Variants in EYS observed in about 807,000 individuals in gnomAD.
EYS encodes the protein protein eyes shut homolog.
Under a neutral mutation model 282.1 loss-of-function variants are expected in EYS, and 250 were observed. The ratio of observed to expected loss-of-function variants is 0.89; its 90% CI spans 0.80 to 0.98. EYS has a LOEUF of 0.98. Ranked by LOEUF, EYS falls within the 50% of genes least tolerant of loss-of-function variation. The pLI is 0.00. For synonymous variants in EYS, 1,355 were observed against 1,282.9 expected, an observed-to-expected ratio of 1.06 and a Z score of -1.20; for missense variants, 4,016 against 3,709.0, an observed-to-expected ratio of 1.08 and a Z score of -2.15.
intron 5 of EYS, among the ~76,000 whole-genome samples, chr6:65,415,932 T>A (rs911203432): frequency 3.3e-5 from 5 of 152,058 alleles, no homozygotes; most frequent in African/African-American, 1.2e-4. Flanking sequence ...TATATTTTAC[T>A]GCAAACAAAT....
At chr6:65,549,831 T>C (rs1449802967) in intron 2 of EYS, among the ~76,000 whole-genome samples, 1 of 152,206 alleles carries the variant, frequency 6.6e-6, no homozygotes, top group East Asian at 1.9e-4. Context: ...TCCTTCCTGA[T>C]CTGGTTCAAT....
chr6:65,080,329 A>G (rs1389926431), intron 12 of EYS, among the ~76,000 whole-genome samples: 1 of 152,080 alleles, frequency 6.6e-6, no homozygotes, highest in Non-Finnish European at 1.5e-5. Context: ...CAATAACATA[A>G]TTGTTTTCCT....
At chr6:63,757,246 G>A (rs906394966) in intron 41 of EYS, among the ~76,000 whole-genome samples, 2 of 152,030 alleles carry the variant, frequency 1.3e-5, no homozygotes, top group East Asian at 3.9e-4. Context: ...TGGCCGCTCT[G>A]GCAGTGTCTG....
At chr6:64,759,241 T>C (rs936766813) in intron 22 of EYS, among the ~76,000 whole-genome samples, 10 of 152,302 alleles carry the variant, frequency 6.6e-5, no homozygotes, top group Middle Eastern at 3.4e-3. Flanking sequence ...TGATACTTGT[T>C]TCAAGCGAGA....
chr6:64,527,100 T>G (rs1777946193), intron 26 of EYS, among the ~76,000 whole-genome samples: 1 of 151,774 alleles, frequency 6.6e-6, no homozygotes, highest in African/African-American at 2.4e-5. Context: ...TTGCAGGAGA[T>G]AAATAGAAAT....
At chr6:65,283,762 C>T (rs1023189652) in intron 12 of EYS, among the ~76,000 whole-genome samples, 2 of 151,968 alleles carry the variant, frequency 1.3e-5, no homozygotes, top group African/African-American at 4.8e-5. Context: ...TTTCTCATCT[C>T]TAGCAGATCT....
intron 41 of EYS, among the ~76,000 whole-genome samples, chr6:63,736,429 C>G (rs1449049537): frequency 1.3e-5 from 2 of 151,998 alleles, no homozygotes; most frequent in African/African-American, 2.4e-5. Context: ...GGGCTCTGTT[C>G]TGTTCCATTG....
chr6:64,273,544 C>T (rs370833397), intron 30 of EYS, among the ~76,000 whole-genome samples: 13 of 151,732 alleles, frequency 8.6e-5, no homozygotes, highest in African/African-American at 2.4e-4. Context: ...ATTTTGTAAG[C>T]TCATAATTCT....
chr6:64,618,439 A>T (rs1767342876), intron 23 of EYS, among the ~76,000 whole-genome samples: 1 of 152,070 alleles, frequency 6.6e-6, no homozygotes, highest in Admixed American at 6.6e-5. Flanking sequence ...GACTATGCTT[A>T]CTCTAATCAC....
intron 22 of EYS, among the ~76,000 whole-genome samples, chr6:64,805,250 A>G (rs1305038943): frequency 3.9e-5 from 6 of 151,984 alleles, no homozygotes; most frequent in African/African-American, 1.4e-4. Flanking sequence ...GTATCCCCAA[A>G]TGGAATAAAC....
chr6:65,352,789 G>C (rs964418948), intron 9 of EYS, among the ~76,000 whole-genome samples: 4 of 151,698 alleles, frequency 2.6e-5, no homozygotes, highest in African/African-American at 9.7e-5. Flanking sequence ...ATTCCTTTTA[G>C]AAGAGAAATC....
At chr6:64,609,060 AATG>A (rs1239086680) in intron 24 of EYS, among the ~76,000 whole-genome samples, 5 of 152,196 alleles carry the variant, frequency 3.3e-5, no homozygotes, top group African/African-American at 1.2e-4. Flanking sequence ...TTTGGGTGAT[AATG>A]ATGTAATATA....
In EYS at chr6:64,943,611, C is replaced by A. The variant is rs531043863; in HGVS notation, c.2381+2182G>T. 3.3e-5 allele frequency among the ~76,000 whole-genome samples: 5 copies of A among 151,532 alleles called. No individual in the cohort carries two copies. In the East Asian group the frequency reaches 9.7e-4, roughly 30 times the overall value. Reference sequence around the variant, plus strand: ...TAGCACACACACCAAAAACAAAAAACAAACAAACAAACAAAAAAGCAAGGA... The same window carrying A: ...TAGCACACACACCAAAAACAAAAAAAAAACAAACAAACAAAAAAGCAAGGA... On this transcript the variant is annotated intron_variant, in intron 15 of 42. Transcript: ENST00000503581.
intron 26 of EYS, among the ~76,000 whole-genome samples, chr6:64,557,023 T>A (rs1338286903): frequency 6.6e-6 from 1 of 152,022 alleles, no homozygotes; most frequent in Non-Finnish European, 1.5e-5. Flanking sequence ...CAATTATTTG[T>A]TCCACTAAGC....
chr6:63,969,539 A>G (rs1307313097), intron 35 of EYS, among the ~76,000 whole-genome samples: 2 of 152,254 alleles, frequency 1.3e-5, no homozygotes, highest in Admixed American at 6.5e-5. Context: ...GAATCCTTCA[A>G]TAACCTCAAG....
At chr6:64,393,152 C>G (rs1166889085) in intron 28 of EYS, among the ~76,000 whole-genome samples, 1 of 152,028 alleles carries the variant, frequency 6.6e-6, no homozygotes, top group Non-Finnish European at 1.5e-5. Context: ...GCTTACCAAC[C>G]AAAAAGAGTC....
chr6:64,529,609 T>C (rs1460590202), intron 26 of EYS, among the ~76,000 whole-genome samples: 2 of 147,886 alleles, frequency 1.4e-5, no homozygotes, highest in Non-Finnish European at 3.0e-5. Context: ...ATGATGCTTT[T>C]CTTATGAGTA....
intron 2 of EYS, among the ~76,000 whole-genome samples, chr6:65,636,714 T>A (rs1298997567): frequency 6.6e-6 from 1 of 152,226 alleles, no homozygotes; most frequent in African/African-American, 2.4e-5. Flanking sequence ...TTATGATATA[T>A]AATTTATGTA....
At chr6:65,078,260 TA>T (rs1224024220) in intron 12 of EYS, among the ~76,000 whole-genome samples, 1 of 152,154 alleles carries the variant, frequency 6.6e-6, no homozygotes, top group Non-Finnish European at 1.5e-5. Flanking sequence ...TTTCATTATT[TA>T]TGGTAAACAA....
Sources: gnomAD v4.1 joint callset for allele counts (sites outside exome capture counted in the v4.1 genomes callset) on GRCh38, gnomAD v4.1.1 for gene constraint, MANE v1.5 for transcripts, NCBI Gene and HGNC (gene_info 2026-07-23, HGNC 2026-07-21) for gene names.